Variants in CRACDL observed in about 807,000 individuals in gnomAD.
CRACDL encodes the protein CRACD-like protein.
In CRACDL, 26 loss-of-function variants were observed where a neutral mutation model predicts 70.6. The observed-to-expected ratio is 0.37, with a 90% CI of 0.27 to 0.51. CRACDL has a LOEUF of 0.51. CRACDL is among the 20% of genes least tolerant of loss of function. The pLI is 0.94. For synonymous variants in CRACDL, 618 were observed against 615.2 expected (o/e 1.00, Z -0.07); for missense variants, 1,283 against 1,376.9 (o/e 0.93, Z 1.08).
intron 3 of CRACDL, among the ~76,000 whole-genome samples, chr2:98,835,112 G>A (rs1705716512): frequency 1.3e-5 from 2 of 152,136 alleles, no homozygotes; most frequent in South Asian, 4.1e-4. Flanking sequence ...ATCATAAGGA[G>A]CCCTGGTTTC....
intron 7 of CRACDL, among the ~76,000 whole-genome samples, chr2:98,802,258 T>C (rs1041437383): frequency 6.6e-6 from 1 of 152,278 alleles, no homozygotes; most frequent in Non-Finnish European, 1.5e-5. Context: ...CACACCAGTG[T>C]GCACCGCAGT....
chr2:98,892,547 G>A (rs546317915), intron 1 of CRACDL, among the ~76,000 whole-genome samples: 94 of 151,862 alleles, frequency 6.2e-4, no homozygotes, highest in East Asian at 3.9e-3. Context: ...AAAATTAGCC[G>A]GGTGTGGCGG....
At chr2:98,922,946 A>C (rs1333541145) in intron 1 of CRACDL, among the ~76,000 whole-genome samples, 1 of 152,190 alleles carries the variant, frequency 6.6e-6, no homozygotes, top group East Asian at 1.9e-4. Context: ...ATTCACTAAG[A>C]GAGTTTAGTT....
intron 1 of CRACDL, among the ~76,000 whole-genome samples, chr2:98,860,463 TAAAC>T (rs1272045307): frequency 6.6e-6 from 1 of 152,192 alleles, no homozygotes; most frequent in Non-Finnish European, 1.5e-5. Context: ...TCAACAGAAA[TAAAC>T]ACATACTCTT....
At chr2:98,795,287 G>T (rs1267346243) in intron 9 of CRACDL, among the ~76,000 whole-genome samples, 2 of 151,488 alleles carry the variant, frequency 1.3e-5, no homozygotes, top group Non-Finnish European at 2.9e-5. Flanking sequence ...TGTTGGCCAG[G>T]CTGGTCTCGA....
intron 7 of CRACDL, among the ~76,000 whole-genome samples, chr2:98,819,312 T>C (rs1033312464): frequency 5.3e-5 from 8 of 152,242 alleles, no homozygotes; most frequent in East Asian, 1.9e-4. Context: ...TCCATTCATT[T>C]AGCAAGCTCT....
At chr2:98,854,049 C>T (rs537312352) in intron 1 of CRACDL, among the ~76,000 whole-genome samples, 8 of 151,902 alleles carry the variant, frequency 5.3e-5, no homozygotes, top group South Asian at 4.2e-4. Flanking sequence ...TTTGGGAGGC[C>T]GAGGTGGGTG....
intron 1 of CRACDL, among the ~76,000 whole-genome samples, chr2:98,933,730 C>T (rs989973453): frequency 1.3e-5 from 2 of 152,200 alleles, no homozygotes; most frequent in Non-Finnish European, 2.9e-5. Context: ...ACAGAAAACC[C>T]ACCCTCCTGG....
chr2:98,842,149 G>A (rs1447029850), intron 2 of CRACDL, among the ~76,000 whole-genome samples: 1 of 151,634 alleles, frequency 6.6e-6, no homozygotes, highest in African/African-American at 2.4e-5. Context: ...TGCTCAAATG[G>A]GTATTACACC....
intron 1 of CRACDL, among the ~76,000 whole-genome samples, chr2:98,900,836 T>C (rs1708259725): frequency 6.6e-6 from 1 of 152,054 alleles, no homozygotes. Context: ...CTCCACAGCC[T>C]CGTTGGGCAG....
intron 3 of CRACDL, among the ~76,000 whole-genome samples, chr2:98,835,720 T>A (rs562587938): frequency 6.6e-6 from 1 of 152,306 alleles, no homozygotes; most frequent in African/African-American, 2.4e-5. Flanking sequence ...GATCCTGACT[T>A]TACAAATTGT....
chr2:98,854,098 A>G (rs998227359), intron 1 of CRACDL, among the ~76,000 whole-genome samples: 2 of 152,022 alleles, frequency 1.3e-5, no homozygotes, highest in African/African-American at 4.8e-5. Flanking sequence ...TCTGGCCAAC[A>G]TGGTGAAACC....
At chr2:98,846,861 C>T in intron 1 of CRACDL, 51 bp from the exon 2 acceptor site, 2 of 1,451,644 alleles carry the variant, frequency 1.4e-6, no homozygotes, top group Non-Finnish European at 1.9e-6. Context: ...GCAGAAGTTA[C>T]CAATGAGTGA....
intron 1 of CRACDL, among the ~76,000 whole-genome samples, chr2:98,914,139 C>T (rs570362101): frequency 4.6e-5 from 7 of 152,322 alleles, no homozygotes; most frequent in African/African-American, 1.7e-4. Context: ...GCCAGGAAGC[C>T]GAGGCAGGAG....
intron 7 of CRACDL, among the ~76,000 whole-genome samples, chr2:98,814,941 T>G (rs1356275983): frequency 6.6e-6 from 1 of 152,198 alleles, no homozygotes; most frequent in Non-Finnish European, 1.5e-5. Context: ...ATGTTCCATT[T>G]TATCACTAAT....
chr2:98,929,471 G>A (rs749177658), intron 1 of CRACDL, among the ~76,000 whole-genome samples: 4 of 152,128 alleles, frequency 2.6e-5, no homozygotes, highest in Admixed American at 6.5e-5. Flanking sequence ...ACAGTGGGAC[G>A]GGGGAGCCGC....
intron 1 of CRACDL, among the ~76,000 whole-genome samples, chr2:98,914,120 T>G (rs550537394): frequency 1.3e-5 from 2 of 152,298 alleles, no homozygotes; most frequent in East Asian, 1.9e-4. Context: ...GCCCCTCTCA[T>G]GACTAGGAGC....
intron 1 of CRACDL, among the ~76,000 whole-genome samples, chr2:98,890,574 A>G (rs1045113025): frequency 1.1e-4 from 17 of 152,382 alleles, no homozygotes; most frequent in Admixed American, 3.3e-4. Context: ...ATGTTTAAAG[A>G]ATAGTACAAA....
chr2:98,912,844 G>T (rs997588535), intron 1 of CRACDL: 1 of 152,246 alleles, frequency 6.6e-6, no homozygotes, highest in Non-Finnish European at 1.5e-5. Flanking sequence ...TGGGCCTGAC[G>T]GTGGAATCCG....
Sources: allele counts gnomAD v4.1 joint callset (sites outside exome capture counted in the v4.1 genomes callset), GRCh38; gene constraint gnomAD v4.1.1; transcripts MANE v1.5; gene names NCBI Gene and HGNC (gene_info 2026-07-23, HGNC 2026-07-21).